The following IMMP2L variants were observed in gnomAD, a reference collection of about 807,000 sequenced individuals.
The protein encoded by IMMP2L is mitochondrial inner membrane protease subunit 2.
IMMP2L carries 18 observed loss-of-function variants against 19.3 expected under a neutral mutation model. The ratio of observed to expected loss-of-function variants is 0.93; its 90% CI spans 0.64 to 1.38. IMMP2L has a LOEUF of 1.38. IMMP2L is among the 40% of genes most tolerant of loss of function. IMMP2L has a pLI of 0.00. For synonymous variants in IMMP2L, 76 were observed against 73.0 expected, an observed-to-expected ratio of 1.04 and a Z score of -0.21; for missense variants, 233 against 218.2, an observed-to-expected ratio of 1.07 and a Z score of -0.43.
At chr7:111,168,656 T>G (rs1377733639) in intron 3 of IMMP2L, among the ~76,000 whole-genome samples, 4 of 151,934 alleles carry the variant, frequency 2.6e-5, no homozygotes, top group Admixed American at 6.6e-5. Context: ...AAAACAGATC[T>G]AAAGATAATC....
intron 3 of IMMP2L, among the ~76,000 whole-genome samples, chr7:111,146,928 A>G (rs895029912): frequency 2.2e-4 from 33 of 152,148 alleles, no homozygotes; most frequent in African/African-American, 7.7e-4. Flanking sequence ...TCTTTGTGTC[A>G]TACGTTTCTT....
chr7:110,882,287 G>GCCTTCCTT (rs111710073), intron 5 of IMMP2L, among the ~76,000 whole-genome samples: 2,551 of 122,080 alleles, frequency 0.021, 59 homozygotes, highest in Non-Finnish European at 0.024. Flanking sequence ...TTTGTCAAGT[G>GCCTTCCTT]CCTTCCTTCC....
rs191478595 is a variant in IMMP2L at position 111,063,025 on chromosome 7, C to T, written c.240-99460G>A. The stretch of plus-strand genomic sequence containing the variant: ...TTCTCACAGCTCCACTAGGCAGTGC[C>T]CCAGTAGGGACTCTGTGGGGACTCC... On this transcript the variant is annotated intron_variant, in intron 3 of 5. Coordinates refer to ENST00000405709, the MANE Select transcript of IMMP2L (RefSeq NM_032549.4). Among the ~76,000 whole-genome samples the T allele has an allele frequency of 7.2e-4, 109 of 152,320 alleles. 1 individual carries two copies. The East Asian group carries it at 0.018, about 25-fold the overall frequency.
intron 3 of IMMP2L, among the ~76,000 whole-genome samples, chr7:111,333,564 G>C (rs1826089197): frequency 6.6e-6 from 1 of 152,006 alleles, no homozygotes; most frequent in Non-Finnish European, 1.5e-5. Flanking sequence ...TTGGATTGAA[G>C]GATGCAAAGC....
chr7:111,156,486 G>A (rs575166714), intron 3 of IMMP2L, among the ~76,000 whole-genome samples: 1 of 152,006 alleles, frequency 6.6e-6, no homozygotes, highest in South Asian at 2.1e-4. Context: ...ACTCTTGGGC[G>A]TTTGCATTTC....
intron 5 of IMMP2L, among the ~76,000 whole-genome samples, chr7:110,774,328 A>C (rs1301151875): frequency 6.6e-6 from 1 of 152,100 alleles, no homozygotes; most frequent in Admixed American, 6.6e-5. Flanking sequence ...GCATCAAGCA[A>C]GCATGGAAAA....
chr7:111,342,345 G>A (rs6978694), intron 3 of IMMP2L, among the ~76,000 whole-genome samples: 3,264 of 152,224 alleles, frequency 0.021, 121 homozygotes, highest in African/African-American at 0.074. Context: ...TGTAATCCCA[G>A]CACCTTGGGA....
Position 111,422,780 on chromosome 7 carries a change from A to G in IMMP2L, c.239+64458T>C, listed in dbSNP as rs1054357573. Among the ~76,000 whole-genome samples the G allele has an allele frequency of 3.1e-4, 47 of 151,980 alleles. 1 individual carries two copies. The highest frequency in any genetic ancestry group is 1.1e-3 in the African/African-American group (46 of 41,274). On this transcript the variant is annotated intron_variant, in intron 3 of 5. Transcript: ENST00000405709. The stretch of plus-strand genomic sequence containing the variant: ...TTGAATAGGAGTGGTGAGAGAGGGC[A>G]TCCTTGTCTTGTGTCGGTTTTCAAA...
At chr7:111,195,206 A>G (rs1241236482) in intron 3 of IMMP2L, among the ~76,000 whole-genome samples, 1 of 152,252 alleles carries the variant, frequency 6.6e-6, no homozygotes, top group South Asian at 2.1e-4. Context: ...TTATTAACAT[A>G]ATTTCAATTT....
chr7:110,923,004 T>A (rs1814464132), intron 4 of IMMP2L, among the ~76,000 whole-genome samples: 1 of 152,122 alleles, frequency 6.6e-6, no homozygotes, highest in African/African-American at 2.4e-5. Flanking sequence ...TTTCTACCTG[T>A]AAAGAAACAA....
At chr7:111,372,178 T>C (rs1330774598) in intron 3 of IMMP2L, among the ~76,000 whole-genome samples, 1 of 151,996 alleles carries the variant, frequency 6.6e-6, no homozygotes, top group Non-Finnish European at 1.5e-5. Context: ...AGGAAATGGA[T>C]ACCCCATTTT....
At chr7:110,946,278 A>G (rs1817240960) in intron 4 of IMMP2L, among the ~76,000 whole-genome samples, 1 of 152,190 alleles carries the variant, frequency 6.6e-6, no homozygotes, top group African/African-American at 2.4e-5. Context: ...ACAATCTACT[A>G]CAACAATGCC....
chr7:111,476,389 A>T (rs1174864603), intron 3 of IMMP2L, among the ~76,000 whole-genome samples: 1 of 152,236 alleles, frequency 6.6e-6, no homozygotes, highest in Non-Finnish European at 1.5e-5. Context: ...TTCCTTGTAC[A>T]TAGTAAACGT....
At chr7:111,082,005 A>G (rs1281740641) in intron 3 of IMMP2L, among the ~76,000 whole-genome samples, 1 of 152,208 alleles carries the variant, frequency 6.6e-6, no homozygotes, top group Non-Finnish European at 1.5e-5. Flanking sequence ...TCCTAGAAGC[A>G]GTGTTTTCTC....
chr7:110,934,498 G>A (rs368357015), intron 4 of IMMP2L, among the ~76,000 whole-genome samples: 1 of 152,082 alleles, frequency 6.6e-6, no homozygotes, highest in South Asian at 2.1e-4. Flanking sequence ...TAACTTTTTA[G>A]AAGGCTGGAT....
chr7:111,396,582 G>A (rs1832886279), intron 3 of IMMP2L, among the ~76,000 whole-genome samples: 1 of 151,994 alleles, frequency 6.6e-6, no homozygotes, highest in South Asian at 2.1e-4. Context: ...TGGGTTGACA[G>A]GTGCAGCAAA....
chr7:111,016,387 T>G (rs1825542040), intron 3 of IMMP2L, among the ~76,000 whole-genome samples: 1 of 142,550 alleles, frequency 7.0e-6, no homozygotes, highest in African/African-American at 2.6e-5. Flanking sequence ...ATATGATATA[T>G]ATTTTTATAT....
chr7:110,921,395 A>C (rs928497269), intron 4 of IMMP2L, among the ~76,000 whole-genome samples: 1 of 152,162 alleles, frequency 6.6e-6, no homozygotes, highest in Admixed American at 6.6e-5. Context: ...GGAGATGTTC[A>C]TCTGCTAGAA....
At chr7:111,446,781 G>C (rs201519793) in intron 3 of IMMP2L, among the ~76,000 whole-genome samples, 16,806 of 121,368 alleles carry the variant, frequency 0.14, 110 homozygotes, top group East Asian at 0.25. Context: ...GACATTCAAA[G>C]CAAAGGCAAA....
Sources: allele counts gnomAD v4.1 joint callset (sites outside exome capture counted in the v4.1 genomes callset), GRCh38; gene constraint gnomAD v4.1.1; transcripts MANE v1.5; gene names NCBI Gene and HGNC (gene_info 2026-07-23, HGNC 2026-07-21).